EPB41L4A: variants seen among roughly 807,000 people sequenced by gnomAD.
The protein encoded by EPB41L4A is erythrocyte membrane protein band 4.1 like 4A, also known as band 4.1-like protein 4A.
Under a neutral mutation model 108.6 loss-of-function variants are expected in EPB41L4A, and 100 were observed. The observed-to-expected ratio is 0.92, with a 90% CI of 0.78 to 1.09. EPB41L4A has a LOEUF of 1.09. EPB41L4A is among the 50% of genes least tolerant of loss of function. The pLI is 0.00. For missense variants in EPB41L4A, 1,030 were observed against 842.7 expected, an observed-to-expected ratio of 1.22 and a Z score of -2.75; for synonymous variants, 319 against 289.0, an observed-to-expected ratio of 1.10 and a Z score of -1.05.
intron 1 of EPB41L4A, among the ~76,000 whole-genome samples, chr5:112,385,345 T>C (rs1760442289): frequency 6.6e-6 from 1 of 152,112 alleles, no homozygotes; most frequent in African/African-American, 2.4e-5. Flanking sequence ...GGGCATAGTA[T>C]GGAAAACCAT....
Position 112,307,375 on chromosome 5 carries a change from A to C in EPB41L4A, c.204+11T>G, listed in dbSNP as rs1336291159. 2 of 1,572,346 alleles carry C rather than the reference A, an allele frequency of 1.3e-6. No individual in the cohort carries two copies. The highest frequency in any genetic ancestry group is 1.7e-6 in the Non-Finnish European group (2 of 1,143,630). Reference sequence around the variant, plus strand: ...AACCAGAAAAATTTAACACAAAGTCACCTTACTCACCGTCTGATGGCTTCT... The same window carrying C: ...AACCAGAAAAATTTAACACAAAGTCCCCTTACTCACCGTCTGATGGCTTCT... On this transcript the variant is annotated intron_variant, in intron 2 of 22. Coordinates refer to ENST00000261486, the MANE Select transcript of EPB41L4A (RefSeq NM_022140.5).
chr5:112,228,496 A>G (rs1369047476), intron 12 of EPB41L4A: 1 of 160,124 alleles, frequency 6.2e-6, no homozygotes, highest in Non-Finnish European at 1.3e-5. Flanking sequence ...GCTTTGCAAT[A>G]GTTCAAAGAT....
At chr5:112,302,817 C>T (rs1219496229) in intron 2 of EPB41L4A, among the ~76,000 whole-genome samples, 2 of 152,176 alleles carry the variant, frequency 1.3e-5, no homozygotes, top group African/African-American at 2.4e-5. Flanking sequence ...AACACACATT[C>T]GTCAGCAGGA....
At chr5:112,161,973 C>G (rs1220264744), downstream of EPB41L4A, 1 of 155,798 alleles carries the variant, frequency 6.4e-6, no homozygotes, top group Non-Finnish European at 1.4e-5. Context: ...TCCTGAGAAG[C>G]CCAGGGAAAT....
At chr5:112,419,439 C>G, upstream of EPB41L4A, 1 of 358,962 alleles carries the variant, frequency 2.8e-6, no homozygotes. Flanking sequence ...AGGCTCTCCC[C>G]GGCCTTGGAA....
intron 1 of EPB41L4A, among the ~76,000 whole-genome samples, chr5:112,310,550 C>T (rs12654295): frequency 0.04 from 6,090 of 152,102 alleles, 477 homozygotes; most frequent in East Asian, 0.33. Flanking sequence ...ATAGATGGTT[C>T]CTTCAATTCT....
At chr5:112,283,430 G>C (rs776953772) in intron 2 of EPB41L4A, among the ~76,000 whole-genome samples, 12 of 152,202 alleles carry the variant, frequency 7.9e-5, no homozygotes, top group Non-Finnish European at 1.5e-4. Context: ...AAGCAGCCAT[G>C]CTATGATGGC....
intron 12 of EPB41L4A, among the ~76,000 whole-genome samples, chr5:112,156,598 C>G (rs1476441304): frequency 6.6e-6 from 1 of 152,198 alleles, no homozygotes; most frequent in Non-Finnish European, 1.5e-5. Context: ...TGCTAATCTC[C>G]TCTGGAAACA....
intron 12 of EPB41L4A, among the ~76,000 whole-genome samples, chr5:112,231,805 A>AAG (rs1325211395): frequency 9.5e-5 from 14 of 147,716 alleles, no homozygotes; most frequent in Admixed American, 6.1e-4. Context: ...AAAAAAAAAA[A>AAG]AAAAAAAAAA....
At chr5:112,148,497 C>T (rs1320030840) in intron 12 of EPB41L4A, among the ~76,000 whole-genome samples, 1 of 151,764 alleles carries the variant, frequency 6.6e-6, no homozygotes, top group Non-Finnish European at 1.5e-5. Flanking sequence ...CAATTATTTT[C>T]TTATTCCATT....
At chr5:112,410,386 T>TAATGCTGGAAGCAGGGGCC (rs1298978323) in intron 1 of EPB41L4A, among the ~76,000 whole-genome samples, 1 of 152,162 alleles carries the variant, frequency 6.6e-6, no homozygotes, top group Non-Finnish European at 1.5e-5. Context: ...TGCAGGTGGT[T>TAATGCTGGAAGCAGGGGCC]AATGCTGGAA....
At chr5:112,196,246 G>A (rs1372067960) in intron 15 of EPB41L4A, among the ~76,000 whole-genome samples, 1 of 152,164 alleles carries the variant, frequency 6.6e-6, no homozygotes, top group Admixed American at 6.5e-5. Flanking sequence ...CCTGGTTAAA[G>A]GTGCTGGCTC....
intron 2 of EPB41L4A, among the ~76,000 whole-genome samples, chr5:112,304,446 G>A (rs6862912): frequency 0.041 from 6,212 of 152,276 alleles, 486 homozygotes; most frequent in East Asian, 0.33. Flanking sequence ...GAACCTGACT[G>A]GCACAAGCCA....
intron 1 of EPB41L4A, among the ~76,000 whole-genome samples, chr5:112,401,965 T>C (rs1233071078): frequency 6.6e-6 from 1 of 152,218 alleles, no homozygotes; most frequent in Non-Finnish European, 1.5e-5. Flanking sequence ...TGTCACTCTG[T>C]AACCCCAACA....
intron 1 of EPB41L4A, among the ~76,000 whole-genome samples, chr5:112,411,831 G>A (rs867482873): frequency 1.3e-5 from 2 of 152,268 alleles, no homozygotes; most frequent in South Asian, 2.1e-4. Context: ...TCGACAAGTC[G>A]CAATTAAGGC....
intron 1 of EPB41L4A, among the ~76,000 whole-genome samples, chr5:112,356,395 A>C (rs1176409990): frequency 6.6e-6 from 1 of 152,228 alleles, no homozygotes; most frequent in Non-Finnish European, 1.5e-5. Context: ...GAAAGCAGAC[A>C]GATTGGAAAG....
intron 1 of EPB41L4A, among the ~76,000 whole-genome samples, chr5:112,319,040 C>G (rs761431643): frequency 1.2e-4 from 19 of 152,156 alleles, no homozygotes; most frequent in Non-Finnish European, 1.6e-4. Flanking sequence ...GCAATGACCA[C>G]ATCTGGTACC....
At chr5:112,226,808 G>C (rs1265024158) in intron 12 of EPB41L4A, among the ~76,000 whole-genome samples, 1 of 151,906 alleles carries the variant, frequency 6.6e-6, no homozygotes, top group Non-Finnish European at 1.5e-5. Context: ...CGATCACCAA[G>C]AGCTGGGGAG....
intron 15 of EPB41L4A, among the ~76,000 whole-genome samples, chr5:112,201,859 C>T (rs1031840192): frequency 2.0e-5 from 3 of 152,120 alleles, no homozygotes; most frequent in African/African-American, 7.2e-5. Flanking sequence ...GGCTGGGATT[C>T]CAATCCCATG....
Sources: gnomAD v4.1 joint callset for allele counts (sites outside exome capture counted in the v4.1 genomes callset) on GRCh38, gnomAD v4.1.1 for gene constraint, MANE v1.5 for transcripts, NCBI Gene and HGNC (gene_info 2026-07-23, HGNC 2026-07-21) for gene names.